NRG3: variants seen among roughly 807,000 people sequenced by gnomAD.
NRG3 encodes the protein pro-neuregulin-3, membrane-bound isoform.
Under a neutral mutation model 66.9 loss-of-function variants are expected in NRG3, and 31 were observed. The observed-to-expected ratio is 0.46, with a 90% CI of 0.35 to 0.63. The LOEUF (loss-of-function observed/expected upper bound fraction) is 0.63, where lower values mean the gene tolerates loss of function less well. Among genes scored for constraint, NRG3 ranks in the 20% least tolerant of loss-of-function variants. The pLI is 0.00. For synonymous variants in NRG3, 393 were observed against 359.4 expected (o/e 1.09, Z -1.06); for missense variants, 910 against 878.9 (o/e 1.04, Z -0.45).
At chr10:82,168,198 T>G (rs1377350031) in intron 1 of NRG3, among the ~76,000 whole-genome samples, 1 of 152,176 alleles carries the variant, frequency 6.6e-6, no homozygotes, top group Non-Finnish European at 1.5e-5. Flanking sequence ...CCTGTTTTCA[T>G]GTAGGATCGT....
At chr10:81,925,598 T>C (rs1846690529) in intron 1 of NRG3, among the ~76,000 whole-genome samples, 1 of 152,188 alleles carries the variant, frequency 6.6e-6, no homozygotes, top group Non-Finnish European at 1.5e-5. Context: ...ATACTTTCTT[T>C]TGTCAATCCA....
At chr10:82,620,053 C>T (rs1450814293) in intron 2 of NRG3, among the ~76,000 whole-genome samples, 5 of 152,162 alleles carry the variant, frequency 3.3e-5, no homozygotes, top group Non-Finnish European at 2.9e-5. Flanking sequence ...AAAGAATGCA[C>T]TTTGGGCACC....
intron 2 of NRG3, among the ~76,000 whole-genome samples, chr10:82,392,837 G>T (rs1589964563): frequency 6.6e-6 from 1 of 151,942 alleles, no homozygotes; most frequent in East Asian, 1.9e-4. Context: ...TTATCTGCAG[G>T]CTGCAGTGTT....
intron 5 of NRG3, among the ~76,000 whole-genome samples, chr10:82,952,654 C>A (rs1849655286): frequency 6.6e-6 from 1 of 151,742 alleles, no homozygotes; most frequent in Non-Finnish European, 1.5e-5. Context: ...TTGGTTCCTA[C>A]AGCTTGTCTG....
At chr10:82,720,025 A>G (rs2057200367) in intron 2 of NRG3, among the ~76,000 whole-genome samples, 1 of 152,230 alleles carries the variant, frequency 6.6e-6, no homozygotes, top group Admixed American at 6.5e-5. Context: ...GTGGGAAATC[A>G]TTAAACTCGT....
intron 1 of NRG3, among the ~76,000 whole-genome samples, chr10:82,116,149 GACT>G (rs1250299258): frequency 6.6e-6 from 1 of 152,006 alleles, no homozygotes; most frequent in African/African-American, 2.4e-5. Context: ...AAACAATAAT[GACT>G]ACATTATTCC....
intron 2 of NRG3, among the ~76,000 whole-genome samples, chr10:82,568,642 T>C (rs2045557760): frequency 6.6e-6 from 1 of 151,756 alleles, no homozygotes; most frequent in African/African-American, 2.4e-5. Flanking sequence ...GCCAGGGTAA[T>C]GTCTAAATAT....
At chr10:82,729,752 T>TGTTTCCCA (rs1374137271) in intron 2 of NRG3, among the ~76,000 whole-genome samples, 2 of 152,216 alleles carry the variant, frequency 1.3e-5, no homozygotes, top group Non-Finnish European at 2.9e-5. Flanking sequence ...AATGGGTTGC[T>TGTTTCCCA]GTTTCCCAGG....
chr10:81,911,328 G>A (rs918889036), intron 1 of NRG3, among the ~76,000 whole-genome samples: 3 of 152,024 alleles, frequency 2.0e-5, no homozygotes, highest in African/African-American at 4.8e-5. Flanking sequence ...GCCTGCTATG[G>A]TGCAAAGCCT....
chr10:82,270,746 A>G (rs1289486176), intron 1 of NRG3, among the ~76,000 whole-genome samples: 2 of 152,122 alleles, frequency 1.3e-5, no homozygotes, highest in Admixed American at 6.6e-5. Flanking sequence ...CCTGTGTTCA[A>G]TCACAAATAA....
chr10:82,339,644 T>G (rs967110916), intron 1 of NRG3, among the ~76,000 whole-genome samples: 4 of 152,156 alleles, frequency 2.6e-5, no homozygotes, highest in African/African-American at 9.7e-5. Context: ...GTTTAAAAAT[T>G]TTTAAATTTC....
At chr10:82,699,916 C>G (rs1269356689) in intron 2 of NRG3, among the ~76,000 whole-genome samples, 1 of 151,908 alleles carries the variant, frequency 6.6e-6, no homozygotes, top group East Asian at 1.9e-4. Context: ...CTAACATACA[C>G]TATGAGTGCA....
chr10:82,953,467 G>A (rs1849723954), intron 5 of NRG3, among the ~76,000 whole-genome samples: 1 of 151,904 alleles, frequency 6.6e-6, no homozygotes, highest in Admixed American at 6.5e-5. Context: ...CTTTTGTGCA[G>A]CCCATAGCAC....
chr10:82,110,299 A>G (rs1272111136), intron 1 of NRG3, among the ~76,000 whole-genome samples: 8 of 152,162 alleles, frequency 5.3e-5, no homozygotes, highest in Admixed American at 5.2e-4. Context: ...GGGTGATCAT[A>G]TGGAGTGAAC....
chr10:81,970,344 T>C (rs1413727647), intron 1 of NRG3, among the ~76,000 whole-genome samples: 1 of 152,180 alleles, frequency 6.6e-6, no homozygotes, highest in Non-Finnish European at 1.5e-5. Flanking sequence ...ATATAATCAG[T>C]GTTAAAGGTA....
intron 3 of NRG3, among the ~76,000 whole-genome samples, chr10:82,852,863 T>G (rs762849026): frequency 6.6e-6 from 1 of 152,200 alleles, no homozygotes; most frequent in Non-Finnish European, 1.5e-5. Flanking sequence ...AGTGGGAGCA[T>G]GAGGGTAAGA....
chr10:82,242,311 G>T (rs893384987), intron 1 of NRG3, among the ~76,000 whole-genome samples: 11 of 152,188 alleles, frequency 7.2e-5, no homozygotes, highest in African/African-American at 2.6e-4. Context: ...GCAAAAGATG[G>T]TGTCTAAATT....
At chr10:82,017,523 C>G (rs1382675384) in intron 1 of NRG3, among the ~76,000 whole-genome samples, 2 of 151,842 alleles carry the variant, frequency 1.3e-5, no homozygotes, top group African/African-American at 4.8e-5. Flanking sequence ...CACTGACTTC[C>G]ACAATGGTTG....
chr10:82,701,112 T>C (rs1187031849), intron 2 of NRG3, among the ~76,000 whole-genome samples: 1 of 152,020 alleles, frequency 6.6e-6, no homozygotes, highest in East Asian at 1.9e-4. Context: ...AAATATCAGT[T>C]ATAACAATTG....
Sources: allele counts gnomAD v4.1 joint callset (sites outside exome capture counted in the v4.1 genomes callset), GRCh38; gene constraint gnomAD v4.1.1; transcripts MANE v1.5; gene names NCBI Gene and HGNC (gene_info 2026-07-23, HGNC 2026-07-21).